Variants in DOCK3 observed in about 807,000 individuals in gnomAD.
DOCK3 encodes dedicator of cytokinesis 3, also known as dedicator of cytokinesis protein 3.
In DOCK3, 60 loss-of-function variants were observed where a neutral mutation model predicts 265.6. That is an observed-to-expected ratio of 0.23 (90% CI 0.18 to 0.28). DOCK3 has a LOEUF of 0.28. Ranked by LOEUF, DOCK3 falls within the 10% of genes least tolerant of loss-of-function variation. The pLI is 1.00. For synonymous variants in DOCK3, 881 were observed against 938.0 expected (o/e 0.94, Z 1.11); for missense variants, 1,981 against 2,594.3 (o/e 0.76, Z 5.14).
At chr3:51,247,837 G>A (rs1285449025) in intron 22 of DOCK3, among the ~76,000 whole-genome samples, 1 of 152,132 alleles carries the variant, frequency 6.6e-6, no homozygotes, top group Non-Finnish European at 1.5e-5. Context: ...GTGTAGGGCA[G>A]GGTGCTGAGG....
At chr3:51,046,679 A>G (rs2080788787) in intron 5 of DOCK3, among the ~76,000 whole-genome samples, 1 of 152,204 alleles carries the variant, frequency 6.6e-6, no homozygotes, top group Non-Finnish European at 1.5e-5. Context: ...TAGATCAGAC[A>G]GAAAATCAAT....
intron 38 of DOCK3, 139 bp from the exon 39 acceptor site, chr3:51,348,713 C>T: frequency 1.2e-6 from 1 of 814,288 alleles, no homozygotes; most frequent in Non-Finnish European, 2.0e-6. Context: ...CCAAATTGGT[C>T]TTGAGGTATA....
intron 3 of DOCK3, among the ~76,000 whole-genome samples, chr3:50,866,605 T>C (rs1461715997): frequency 6.6e-6 from 1 of 152,146 alleles, no homozygotes; most frequent in Admixed American, 6.6e-5. Flanking sequence ...TGATTAGATA[T>C]TTGTATATGG....
chr3:51,107,357 T>G (rs911301006), intron 9 of DOCK3, among the ~76,000 whole-genome samples: 4 of 152,184 alleles, frequency 2.6e-5, no homozygotes, highest in African/African-American at 9.7e-5. Context: ...TTAACTGGGC[T>G]GAGATGGCTG....
At chr3:50,959,681 G>A (rs890225243) in intron 5 of DOCK3, among the ~76,000 whole-genome samples, 3 of 151,936 alleles carry the variant, frequency 2.0e-5, no homozygotes, top group African/African-American at 7.3e-5. Context: ...CTGGGTTCAC[G>A]CCATTCTCCT....
chr3:51,035,582 C>G (rs1316564878), intron 5 of DOCK3, among the ~76,000 whole-genome samples: 2 of 152,118 alleles, frequency 1.3e-5, no homozygotes, highest in East Asian at 3.8e-4. Context: ...TGTTGACTGT[C>G]TTTTCCTCTG....
At chr3:50,784,899 A>T (rs1367043333) in intron 2 of DOCK3, among the ~76,000 whole-genome samples, 1 of 152,172 alleles carries the variant, frequency 6.6e-6, no homozygotes, top group Non-Finnish European at 1.5e-5. Flanking sequence ...GCTCACGCCT[A>T]TAATCCCAGC....
intron 4 of DOCK3, among the ~76,000 whole-genome samples, chr3:50,895,202 C>A (rs1021937262): frequency 6.8e-6 from 1 of 146,382 alleles, no homozygotes; most frequent in Non-Finnish European, 1.5e-5. Context: ...ATTTTATCCC[C>A]GCTTTTTTTT....
chr3:50,975,789 G>C (rs1397650423), intron 5 of DOCK3, among the ~76,000 whole-genome samples: 1 of 151,816 alleles, frequency 6.6e-6, no homozygotes, highest in East Asian at 1.9e-4. Flanking sequence ...TTTTTGGTTG[G>C]TAAGCTATTG....
chr3:51,121,710 T>G (rs2084025667), intron 9 of DOCK3, among the ~76,000 whole-genome samples: 1 of 152,146 alleles, frequency 6.6e-6, no homozygotes, highest in Admixed American at 6.5e-5. Flanking sequence ...CTGTGGGGAA[T>G]GAGGGAGAGA....
At chr3:50,749,689 T>A (rs1167705300) in intron 1 of DOCK3, among the ~76,000 whole-genome samples, 1 of 152,146 alleles carries the variant, frequency 6.6e-6, no homozygotes. Flanking sequence ...CTCTTTATGC[T>A]AAAAAGAAAG....
intron 12 of DOCK3, among the ~76,000 whole-genome samples, chr3:51,172,446 G>A (rs1370061057): frequency 6.6e-6 from 1 of 152,182 alleles, no homozygotes. Flanking sequence ...AAAGTGCTGG[G>A]ATTACAGGCA....
intron 3 of DOCK3, among the ~76,000 whole-genome samples, chr3:50,889,697 A>G (rs146262821): frequency 1.3e-5 from 2 of 152,236 alleles, no homozygotes; most frequent in African/African-American, 4.8e-5. Context: ...TTGGAGATAC[A>G]TGACAAGTTC....
At position 51,003,808 on chromosome 3, in the gene DOCK3, G is replaced by A. The variant is rs1444613216; in HGVS notation, c.316-60640G>A. Among the ~76,000 whole-genome samples the A allele has an allele frequency of 2.0e-5, 3 of 152,306 alleles. No individual in the cohort carries two copies. In the East Asian group the frequency reaches 5.8e-4, roughly 29 times the overall value. ...TATTTCTAAATGTGTTTGGATTTGA[G>A]CAATTTTTGTCCAGGTGTTGGTGAA... On this transcript the variant is annotated intron_variant, in intron 5 of 52. Coordinates refer to ENST00000266037, the MANE Select transcript of DOCK3 (RefSeq NM_004947.5).
chr3:51,288,386 C>T (rs551337489), intron 27 of DOCK3, among the ~76,000 whole-genome samples: 4 of 99,872 alleles, frequency 4.0e-5, no homozygotes, highest in African/African-American at 1.1e-4. Flanking sequence ...AGTGAGACTC[C>T]GTCTCAAAAA....
intron 23 of DOCK3, among the ~76,000 whole-genome samples, chr3:51,261,590 G>A (rs1238024486): frequency 2.0e-5 from 3 of 152,184 alleles, no homozygotes; most frequent in Admixed American, 2.0e-4. Flanking sequence ...AAAGGGGGCT[G>A]AAGCCAGGGA....
At chr3:51,238,218 C>T (rs1305320206) in intron 21 of DOCK3, among the ~76,000 whole-genome samples, 1 of 128,702 alleles carries the variant, frequency 7.8e-6, no homozygotes, top group Non-Finnish European at 1.6e-5. Context: ...TCTTGGCTCA[C>T]TGCAAGCTCT....
intron 24 of DOCK3, among the ~76,000 whole-genome samples, chr3:51,274,740 C>A (rs1365971608): frequency 1.3e-5 from 2 of 151,958 alleles, no homozygotes; most frequent in African/African-American, 4.8e-5. Context: ...ATGATTATGC[C>A]CCTGCATTCC....
At chr3:50,931,550 T>C (rs2051069105) in intron 4 of DOCK3, among the ~76,000 whole-genome samples, 1 of 152,244 alleles carries the variant, frequency 6.6e-6, no homozygotes, top group African/African-American at 2.4e-5. Flanking sequence ...TCTCATTCAA[T>C]TTGAATTTGT....
Sources: gnomAD v4.1 joint callset for allele counts (sites outside exome capture counted in the v4.1 genomes callset) on GRCh38, gnomAD v4.1.1 for gene constraint, MANE v1.5 for transcripts, NCBI Gene and HGNC (gene_info 2026-07-23, HGNC 2026-07-21) for gene names.